The following CISD1 variants were observed in gnomAD, a reference collection of about 807,000 sequenced individuals.
CISD1 encodes CDGSH iron sulfur domain 1.
Under a neutral mutation model 12.0 loss-of-function variants are expected in CISD1, and 8 were observed. The observed-to-expected ratio is 0.67, with a 90% CI of 0.39 to 1.20. The LOEUF is 1.20. CISD1 is among the 50% of genes most tolerant of loss of function. The pLI is 0.01. For missense variants in CISD1, 107 were observed against 132.7 expected, an observed-to-expected ratio of 0.81 and a Z score of 0.95; for synonymous variants, 38 against 42.2, an observed-to-expected ratio of 0.90 and a Z score of 0.39.
At chr10:58,273,662 A>C (rs1020791415) in intron 1 of CISD1, among the ~76,000 whole-genome samples, 1 of 152,236 alleles carries the variant, frequency 6.6e-6, no homozygotes, top group African/African-American at 2.4e-5. Context: ...ATAGTACTCC[A>C]ATGGAAGAAT....
intron 2 of CISD1, among the ~76,000 whole-genome samples, chr10:58,286,293 C>G (rs772692913): frequency 3.3e-5 from 5 of 151,706 alleles, no homozygotes; most frequent in Non-Finnish European, 7.4e-5. Flanking sequence ...AATATCCCAG[C>G]GTAGTAGGCC....
At position 58,269,191 on chromosome 10, in the gene CISD1, C is replaced by T. The variant is rs1038808983; in HGVS notation, c.-83C>T. On this transcript the variant is annotated 5_prime_UTR_variant, in exon 1 of 3. Coordinates refer to ENST00000333926, the MANE Select transcript of CISD1 (RefSeq NM_018464.5). ...TCGCGGAGTCGGTGCTTTAGTACGC[C>T]GCTGGCACCTTTACTCTCGCCGGCC... 2.6e-5 allele frequency: 38 copies of T among 1,451,032 alleles called. 1 individual carries two copies. The East Asian group carries it at 3.9e-4, about 15-fold the overall frequency. The allele number at this position is 1,451,032 out of a possible 1,614,324, so 89.9% of individuals were successfully genotyped here. A position where few individuals can be genotyped will look rare whatever the true frequency, so the allele number is the denominator to read the frequency against.
chr10:58,279,834 A>G (rs867804652), intron 2 of CISD1, among the ~76,000 whole-genome samples: 25 of 152,326 alleles, frequency 1.6e-4, no homozygotes, highest in Middle Eastern at 3.4e-3. Context: ...GCTAAAAGGA[A>G]GAAATTACAC....
At chr10:58,281,456 G>A (rs1215877262) in intron 2 of CISD1, among the ~76,000 whole-genome samples, 1 of 152,050 alleles carries the variant, frequency 6.6e-6, no homozygotes, top group African/African-American at 2.4e-5. Context: ...TGCATCTTGG[G>A]CACTTATTCC....
At chr10:58,281,723 C>T (rs1356397773) in intron 2 of CISD1, among the ~76,000 whole-genome samples, 1 of 152,060 alleles carries the variant, frequency 6.6e-6, no homozygotes, top group Non-Finnish European at 1.5e-5. Flanking sequence ...ATCATTTTAC[C>T]AATGGAAAAA....
At chr10:58,285,481 G>A (rs1839418820) in intron 2 of CISD1, among the ~76,000 whole-genome samples, 1 of 152,118 alleles carries the variant, frequency 6.6e-6, no homozygotes, top group African/African-American at 2.4e-5. Context: ...CTTCTTCAAA[G>A]CAACAGTGTA....
rs539955224 is a variant in CISD1 at position 58,278,179 on chromosome 10, A to G, written c.237+857A>G. Among the ~76,000 whole-genome samples, 7 of 152,366 alleles carry G rather than the reference A, an allele frequency of 4.6e-5. No homozygotes were observed. The South Asian group carries it at 1.4e-3, about 32-fold the overall frequency. On this transcript the variant is annotated intron_variant, in intron 2 of 2. Transcript: ENST00000333926. The stretch of plus-strand genomic sequence containing the variant: ...AAGGATTTGTACACCGAATGACTTC[A>G]GGATTTCTGGTGTGTTGTGAGAAAT...
At chr10:58,284,828 GTTA>G (rs1280413630) in intron 2 of CISD1, among the ~76,000 whole-genome samples, 18 of 152,118 alleles carry the variant, frequency 1.2e-4, no homozygotes, top group Non-Finnish European at 2.9e-5. Flanking sequence ...ATTTCAGTAA[GTTA>G]TTTAGAAATA....
At chr10:58,269,661 G>A (rs1839219801) in intron 1 of CISD1, among the ~76,000 whole-genome samples, 1 of 152,240 alleles carries the variant, frequency 6.6e-6, no homozygotes, top group African/African-American at 2.4e-5. Flanking sequence ...GAAAACAACA[G>A]CAAACCTGTT....
At chr10:58,283,241 A>G (rs1175142606) in intron 2 of CISD1, among the ~76,000 whole-genome samples, 1 of 152,112 alleles carries the variant, frequency 6.6e-6, no homozygotes, top group African/African-American at 2.4e-5. Flanking sequence ...CATAAAAACG[A>G]TATTCTGAAT....
At chr10:58,272,310 T>G (rs1251080039) in intron 1 of CISD1, among the ~76,000 whole-genome samples, 1 of 152,014 alleles carries the variant, frequency 6.6e-6, no homozygotes, top group Non-Finnish European at 1.5e-5. Flanking sequence ...TTTTTTTTTT[T>G]ACTTTACCCT....
At chr10:58,274,499 A>G (rs1434666663) in intron 1 of CISD1, among the ~76,000 whole-genome samples, 2 of 128,568 alleles carry the variant, frequency 1.6e-5, no homozygotes, top group African/African-American at 6.0e-5. Context: ...GTCCCTAATG[A>G]GATTACAGAA....
intron 1 of CISD1, among the ~76,000 whole-genome samples, chr10:58,270,084 G>A (rs568735905): frequency 2.0e-5 from 3 of 152,310 alleles, no homozygotes; most frequent in Non-Finnish European, 2.9e-5. Context: ...CACAATATAT[G>A]TGATCTTTGC....
chr10:58,286,173 C>G (rs1379126187), intron 2 of CISD1, among the ~76,000 whole-genome samples: 7 of 150,332 alleles, frequency 4.7e-5, no homozygotes, highest in Non-Finnish European at 1.0e-4. Flanking sequence ...CCACTGCATT[C>G]CAGCCTGGGC....
intron 2 of CISD1, among the ~76,000 whole-genome samples, chr10:58,282,326 C>G (rs1255988885): frequency 1.3e-5 from 2 of 152,072 alleles, no homozygotes; most frequent in Non-Finnish European, 2.9e-5. Context: ...CCAGGACCTC[C>G]CATGGATACC....
At chr10:58,282,705 G>A (rs1839386233) in intron 2 of CISD1, among the ~76,000 whole-genome samples, 1 of 152,166 alleles carries the variant, frequency 6.6e-6, no homozygotes, top group Non-Finnish European at 1.5e-5. Context: ...GTGACTACAG[G>A]GAAAGATACT....
intron 1 of CISD1, among the ~76,000 whole-genome samples, chr10:58,275,802 AAAG>A (rs1839309261): frequency 6.6e-6 from 1 of 152,206 alleles, no homozygotes. Flanking sequence ...ATAAACTAGA[AAAG>A]AAGACCAAGA....
chr10:58,282,935 C>T (rs1839388694), intron 2 of CISD1: 1 of 152,046 alleles, frequency 6.6e-6, no homozygotes, highest in Non-Finnish European at 1.5e-5. Flanking sequence ...ATGACGGCCA[C>T]CTAGGAGGCA....
In CISD1 at chr10:58,277,247, C is replaced by T. The variant is rs2132279903; in HGVS notation, c.162C>T (p.Pro54=). Residue 54 remains proline (P), a synonymous_variant, in exon 2 of 3, where the codon CCC becomes CCT. Coordinates refer to ENST00000333926, the MANE Select transcript of CISD1 (RefSeq NM_018464.5). ...MINLHIQKDN[P]KIVHAFDMED... ...ACCTTCACATCCAGAAAGACAACCCCAAGATAGTACATGCTTTTGACATGG... is the reference window on the plus strand; with the variant it reads ...ACCTTCACATCCAGAAAGACAACCCTAAGATAGTACATGCTTTTGACATGG... The T allele has an allele frequency of 6.2e-7, 1 of 1,612,758 alleles. No homozygotes were observed. The highest frequency in any genetic ancestry group is 8.5e-7 in the Non-Finnish European group (1 of 1,179,408).
Sources: allele counts gnomAD v4.1 joint callset (sites outside exome capture counted in the v4.1 genomes callset), GRCh38; gene constraint gnomAD v4.1.1; transcripts MANE v1.5; gene names NCBI Gene and HGNC (gene_info 2026-07-23, HGNC 2026-07-21).